Variants in IPO11 observed in about 807,000 individuals in gnomAD.
IPO11 encodes the protein importin 11.
In IPO11, 66 loss-of-function variants were observed where a neutral mutation model predicts 143.2. The observed-to-expected ratio is 0.46, with a 90% CI of 0.38 to 0.57. The LOEUF (loss-of-function observed/expected upper bound fraction) is 0.57. Ranked by LOEUF, IPO11 falls within the 20% of genes least tolerant of loss-of-function variation. The probability of loss-of-function intolerance (pLI) is 0.00; values close to 1 mark genes in which losing one functional copy is unlikely to be tolerated. For synonymous variants in IPO11, 385 were observed against 377.8 expected, an observed-to-expected ratio of 1.02 and a Z score of -0.22; for missense variants, 1,026 against 1,141.0, an observed-to-expected ratio of 0.90 and a Z score of 1.45.
At position 62,506,270 on chromosome 5, in the gene IPO11, T is replaced by C. The variant is rs774697892; in HGVS notation, c.1695T>C (p.Phe565=). The part of the protein sequence containing the change: ...PYLETMFTLL[F]QLLQQVTECD... The stretch of plus-strand genomic sequence containing the variant: ...TGGAAACCATGTTCACACTACTTTT[T>C]CAGTTACTGCAGCAAGTTACAGAAT... Residue 565 remains phenylalanine (F), a synonymous_variant, in exon 19 of 30, where the codon TTT becomes TTC. Coordinates refer to ENST00000325324, the MANE Select transcript of IPO11 (RefSeq NM_016338.5). 1.9e-6 allele frequency: 3 copies of C among 1,609,874 alleles called. No homozygotes were observed. The highest frequency in any genetic ancestry group is 2.5e-6 in the Non-Finnish European group (3 of 1,177,558).
intron 5 of IPO11, among the ~76,000 whole-genome samples, chr5:62,455,528 G>GA (rs925973336): frequency 1.3e-5 from 2 of 151,980 alleles, no homozygotes; most frequent in Non-Finnish European, 2.9e-5. Flanking sequence ...CTCAAAAGAA[G>GA]AAAAAAATAT....
At chr5:62,546,080 C>T (rs1178740476) in intron 24 of IPO11, among the ~76,000 whole-genome samples, 1 of 152,156 alleles carries the variant, frequency 6.6e-6, no homozygotes, top group East Asian at 1.9e-4. Context: ...CCATTTGGCC[C>T]AGCCGTCCCA....
intron 27 of IPO11, chr5:62,580,841 A>G (rs956510459): frequency 5.8e-6 from 9 of 1,551,266 alleles, no homozygotes; most frequent in African/African-American, 1.4e-5. Context: ...AGATTTTTTC[A>G]AGAGAATGCC....
At chr5:62,455,501 C>T (rs768455714) in intron 5 of IPO11, among the ~76,000 whole-genome samples, 19 of 152,192 alleles carry the variant, frequency 1.2e-4, no homozygotes, top group Non-Finnish European at 2.4e-4. Flanking sequence ...CCAGCCTAGA[C>T]GACAGAGAGA....
At chr5:62,480,055 G>C (rs532622183) in intron 9 of IPO11, among the ~76,000 whole-genome samples, 81 of 152,140 alleles carry the variant, frequency 5.3e-4, no homozygotes, top group Non-Finnish European at 1.1e-3. Context: ...TTTTCTTCTA[G>C]GGTTTTTATG....
intron 20 of IPO11, among the ~76,000 whole-genome samples, chr5:62,522,544 C>T (rs1217013382): frequency 6.6e-6 from 1 of 152,166 alleles, no homozygotes; most frequent in Admixed American, 6.5e-5. Flanking sequence ...CTTGACCTCC[C>T]AAAGTGCTGG....
intron 7 of IPO11, among the ~76,000 whole-genome samples, chr5:62,473,966 G>A (rs893944736): frequency 6.6e-6 from 1 of 152,040 alleles, no homozygotes; most frequent in African/African-American, 2.4e-5. Flanking sequence ...ACTTATTATT[G>A]CCAAACGATG....
At chr5:62,502,287 G>A (rs1741372009) in intron 16 of IPO11, among the ~76,000 whole-genome samples, 2 of 152,104 alleles carry the variant, frequency 1.3e-5, no homozygotes, top group South Asian at 4.1e-4. Context: ...GTAGAAATGT[G>A]TTAGACTTTT....
At chr5:62,543,034 A>G (rs189611330) in intron 24 of IPO11, among the ~76,000 whole-genome samples, 18 of 152,356 alleles carry the variant, frequency 1.2e-4, no homozygotes, top group Admixed American at 1.0e-3. Context: ...TAATGATAGT[A>G]CTGCTCTTTT....
intron 16 of IPO11, among the ~76,000 whole-genome samples, chr5:62,496,962 A>G (rs188307431): frequency 9.8e-4 from 150 of 152,342 alleles, no homozygotes; most frequent in African/African-American, 3.3e-3. Flanking sequence ...GTGAAGTCCT[A>G]TACTAACTGG....
At chr5:62,430,189 G>A (rs558430009) in intron 1 of IPO11, among the ~76,000 whole-genome samples, 30 of 152,298 alleles carry the variant, frequency 2.0e-4, no homozygotes, top group Admixed American at 7.2e-4. Flanking sequence ...TCTCTTGACT[G>A]TATGTCCAAA....
At chr5:62,497,100 C>T (rs1243619476) in intron 16 of IPO11, among the ~76,000 whole-genome samples, 1 of 152,258 alleles carries the variant, frequency 6.6e-6, no homozygotes, top group East Asian at 1.9e-4. Context: ...GTTAAGGAAT[C>T]GGGATACATT....
chr5:62,446,789 T>C (rs2112152388), intron 3 of IPO11, among the ~76,000 whole-genome samples: 1 of 152,188 alleles, frequency 6.6e-6, no homozygotes, highest in East Asian at 1.9e-4. Flanking sequence ...GCCAACATGA[T>C]GACACTCCAT....
In IPO11 at chr5:62,418,775, G is replaced by T. The variant is rs753011274; in HGVS notation, c.-7+5846G>T. 286 of 365,644 alleles carry T rather than the reference G, an allele frequency of 7.8e-4. 3 individuals are homozygous for T. The highest frequency in any genetic ancestry group is 3.1e-3 in the Admixed American group (74 of 23,560). The allele number at this position is 365,644 out of a possible 1,614,324, so 22.6% of individuals were successfully genotyped here. On this transcript the variant is annotated intron_variant, in intron 1 of 29. Transcript: ENST00000325324. ...ATTTTATACATATTTCACTAAAGAT[G>T]TTCACGTATTGTCTCCAAGTCTCTG... is the stretch of plus-strand genomic sequence containing the variant.
rs773996013 is a variant in IPO11 at position 62,550,367 on chromosome 5, G to T, written c.2251G>T (p.Val751Phe). The T allele has an allele frequency of 1.9e-6, 3 of 1,607,216 alleles. No homozygotes were observed. The highest frequency in any genetic ancestry group is 1.1e-5 in the South Asian group (1 of 90,320). The change falls in exon 25 of 30, where the codon GTT becomes TTT. Residue 751 changes from valine to phenylalanine, a missense_variant and splice_region_variant. This residue lies in a region of IPO11 where 351 missense variants were observed against 358.9 expected (regional missense o/e 0.98). Coordinates refer to ENST00000325324, the MANE Select transcript of IPO11 (RefSeq NM_016338.5). ...ACCAATCTTTCTTTCTGGTTTTTAG[G>T]TTGTGGAAAATGCCCTTAAAGTGAA... is the stretch of plus-strand genomic sequence containing the variant. ...TTEGQVQVLK[V>F]VENALKVNPI...
At chr5:62,610,634 ACT>A (rs1745893071) in intron 29 of IPO11, among the ~76,000 whole-genome samples, 1 of 152,290 alleles carries the variant, frequency 6.6e-6, no homozygotes, top group South Asian at 2.1e-4. Context: ...TTCTCTGTTT[ACT>A]CTTAGTTAAG....
chr5:62,464,143 G>GTTTTTTTTTTTTTTTTTTTT (rs34056674), intron 5 of IPO11, among the ~76,000 whole-genome samples: 1 of 78,682 alleles, frequency 1.3e-5, no homozygotes, highest in Non-Finnish European at 2.3e-5. Flanking sequence ...GTTTTTGGTG[G>GTTTTTTTTTTTTTTTTTTTT]TTTTTTTTTT....
rs114769280 is a variant in IPO11, at chr5:62,435,460, C to T, written c.-6-1814C>T. 9.2e-3 allele frequency among the ~76,000 whole-genome samples: 1,388 copies of T among 151,124 alleles called. 17 individuals carry two copies. Among genetic ancestry groups the T allele is most frequent in the African/African-American group, 0.031 (1,294 of 41,128 alleles). ...AAAATAAAAAAAAATTAGCTGGGCC[C>T]GGTGGTGCATGTCTGTGTTCCCAGC... On this transcript the variant is annotated intron_variant, in intron 1 of 29. Coordinates refer to ENST00000325324, the MANE Select transcript of IPO11 (RefSeq NM_016338.5).
intron 20 of IPO11, among the ~76,000 whole-genome samples, chr5:62,523,349 G>A (rs1742262545): frequency 6.6e-6 from 1 of 152,264 alleles, no homozygotes; most frequent in South Asian, 2.1e-4. Flanking sequence ...TGGTATAGCA[G>A]GAACATAGAG....
Sources: gnomAD v4.1 joint callset for allele counts (sites outside exome capture counted in the v4.1 genomes callset) on GRCh38, gnomAD v4.1.1 for gene constraint, gnomAD v4.1.1 regional missense constraint, MANE v1.5 for transcripts, NCBI Gene and HGNC (gene_info 2026-07-23, HGNC 2026-07-21) for gene names.